CMIP: variants seen among roughly 807,000 people sequenced by gnomAD.
The protein encoded by CMIP is C-Maf-inducing protein.
In CMIP, 13 loss-of-function variants were observed where a neutral mutation model predicts 97.3. That is an observed-to-expected ratio of 0.13 (90% CI 0.09 to 0.21). The LOEUF (loss-of-function observed/expected upper bound fraction) is 0.21. CMIP is among the 10% of genes least tolerant of loss of function. The probability of loss-of-function intolerance (pLI) is 1.00; values close to 1 mark genes in which losing one functional copy is unlikely to be tolerated. For missense variants in CMIP, 847 were observed against 1,024.9 expected, an observed-to-expected ratio of 0.83 and a Z score of 2.37; for synonymous variants, 538 against 436.3, an observed-to-expected ratio of 1.23 and a Z score of -2.91.
At chr16:81,470,439 C>G (rs944136199) in intron 1 of CMIP, among the ~76,000 whole-genome samples, 1 of 152,224 alleles carries the variant, frequency 6.6e-6, no homozygotes, top group Non-Finnish European at 1.5e-5. Flanking sequence ...GTCACAGAGA[C>G]AGATGTTTCA....
At chr16:81,504,055 G>T (rs1193025772) in intron 1 of CMIP, among the ~76,000 whole-genome samples, 1 of 152,220 alleles carries the variant, frequency 6.6e-6, no homozygotes, top group Non-Finnish European at 1.5e-5. Context: ...GTTGGGCGCC[G>T]TGGCTTACAC....
At chr16:81,565,954 C>T (rs1408752541) in intron 1 of CMIP, among the ~76,000 whole-genome samples, 2 of 152,172 alleles carry the variant, frequency 1.3e-5, no homozygotes, top group African/African-American at 4.8e-5. Context: ...AGGACCAGAG[C>T]CAGAGAGTTT....
chr16:81,460,915 C>G (rs868299810), intron 1 of CMIP, among the ~76,000 whole-genome samples: 1 of 152,128 alleles, frequency 6.6e-6, no homozygotes, highest in African/African-American at 2.4e-5. Flanking sequence ...CTTTGATGCC[C>G]TGTTGTATGT....
intron 1 of CMIP, among the ~76,000 whole-genome samples, chr16:81,575,155 C>T (rs1455382485): frequency 6.6e-6 from 1 of 152,214 alleles, no homozygotes; most frequent in Non-Finnish European, 1.5e-5. Context: ...TTATCTCATT[C>T]AACCTTCACA....
chr16:81,547,566 C>T (rs750068252), intron 1 of CMIP, among the ~76,000 whole-genome samples: 22 of 151,976 alleles, frequency 1.4e-4, no homozygotes, highest in Admixed American at 7.2e-4. Flanking sequence ...ACAAACTTAC[C>T]GTTTCAGGCA....
chr16:81,453,175 T>C lies in CMIP; in HGVS notation c.300+7634T>C, dbSNP rs1597443899. On this transcript the variant is annotated intron_variant, in intron 1 of 20. Transcript: ENST00000537098. This position sits in a 1 kb window ranked among gnomAD's most constrained non-coding sequence, Gnocchi z 4.0. ...TGGGATTCAAACCCAGACTCCTGCC[T>C]TCCCATGGCATCCTTTGTTCGTGGC... Among the ~76,000 whole-genome samples, 1 of 152,216 alleles carries C rather than the reference T, an allele frequency of 6.6e-6. No homozygotes were observed. The highest frequency in any genetic ancestry group is 2.4e-5 in the African/African-American group (1 of 41,446).
intron 10 of CMIP, among the ~76,000 whole-genome samples, chr16:81,682,626 AG>A (rs1345482619): frequency 6.6e-6 from 1 of 151,914 alleles, no homozygotes; most frequent in Non-Finnish European, 1.5e-5. Context: ...GGACGTTGCC[AG>A]GCGGGGCTCA....
intron 9 of CMIP, among the ~76,000 whole-genome samples, chr16:81,675,599 A>G (rs967675466): frequency 4.6e-5 from 7 of 152,178 alleles, no homozygotes; most frequent in Admixed American, 1.3e-4. Context: ...CCTGGCTGCA[A>G]CATTTCTGGG....
At chr16:81,699,078 C>G (rs551158123) in intron 14 of CMIP, among the ~76,000 whole-genome samples, 1 of 152,202 alleles carries the variant, frequency 6.6e-6, no homozygotes, top group African/African-American at 2.4e-5. Flanking sequence ...ATGGTGAACC[C>G]CATCTCTACT....
At chr16:81,490,802 C>G (rs1017617822) in intron 1 of CMIP, among the ~76,000 whole-genome samples, 12 of 150,348 alleles carry the variant, frequency 8.0e-5, no homozygotes, top group African/African-American at 3.0e-4. Flanking sequence ...GTAGAACATT[C>G]CAGACAAGGA....
chr16:81,462,389 C>T (rs908163017), intron 1 of CMIP, among the ~76,000 whole-genome samples: 1 of 152,058 alleles, frequency 6.6e-6, no homozygotes, highest in Admixed American at 6.5e-5. Flanking sequence ...ATAATATAGG[C>T]ATTCTTAGGG....
At chr16:81,669,166 A>C (rs910099790) in intron 7 of CMIP, among the ~76,000 whole-genome samples, 6 of 71,016 alleles carry the variant, frequency 8.4e-5, no homozygotes, top group Non-Finnish European at 1.7e-4. Context: ...CACCCCTCTC[A>C]CCTCCTTCCA....
intron 1 of CMIP, among the ~76,000 whole-genome samples, chr16:81,477,155 C>G (rs138449000): frequency 8.8e-4 from 134 of 152,112 alleles, no homozygotes; most frequent in African/African-American, 3.2e-3. Context: ...GAAATGTCGG[C>G]CCTGAACTCT....
intron 16 of CMIP, among the ~76,000 whole-genome samples, chr16:81,702,036 C>T (rs998522613): frequency 6.6e-6 from 1 of 152,262 alleles, no homozygotes; most frequent in Admixed American, 6.5e-5. Context: ...CCCACCCTCC[C>T]TCCTCCATGT....
intron 1 of CMIP, among the ~76,000 whole-genome samples, chr16:81,605,237 T>G (rs1023112646): frequency 6.6e-6 from 1 of 152,200 alleles, no homozygotes. Flanking sequence ...AGTGTGACTT[T>G]GAGGCACGCT....
intron 1 of CMIP, among the ~76,000 whole-genome samples, chr16:81,586,744 A>G (rs1261911812): frequency 6.6e-6 from 1 of 152,200 alleles, no homozygotes; most frequent in Non-Finnish European, 1.5e-5. Context: ...ACACCTGCAC[A>G]CATACACATG....
At chr16:81,520,603 A>AGAGAGAGAGG (rs1555525671) in intron 1 of CMIP, 2 of 143,286 alleles carry the variant, frequency 1.4e-5, no homozygotes, top group African/African-American at 5.2e-5. Flanking sequence ...AGAGAGAGAG[A>AGAGAGAGAGG]AGATAGAAAG....
chr16:81,445,169 C>T lies in CMIP; in HGVS notation c.-73C>T. 2.0e-6 allele frequency: 2 copies of T among 997,726 alleles called. No individual in the cohort carries two copies. Among genetic ancestry groups the T allele is most frequent in the South Asian group, 2.4e-5 (1 of 42,298 alleles). 61.8% of individuals were successfully genotyped at this position (997,726 alleles called of 1,614,324 possible). On this transcript the variant is annotated 5_prime_UTR_variant, in exon 1 of 21. Coordinates refer to ENST00000537098, the MANE Select transcript of CMIP (RefSeq NM_198390.3). ...GTGGGGGGGTGCGGGCCGCCGGATC[C>T]GGGGGCCCCGCCGCCCCAGCAGCCC...
In CMIP at chr16:81,507,505, ATCT is replaced by A. The variant is rs1435180163; in HGVS notation, c.300+61969_300+61971del. 5.9e-5 allele frequency among the ~76,000 whole-genome samples: 9 copies of A among 152,346 alleles called. No individual in the cohort carries two copies. The East Asian group carries it at 9.6e-4, about 16-fold the overall frequency. On this transcript the variant is annotated intron_variant, in intron 1 of 20. Coordinates refer to ENST00000537098, the MANE Select transcript of CMIP (RefSeq NM_198390.3). ...TAATATATAATTTAGAACATGGCTC[ATCT>A]TCTTGGAATGAGCATTTTCCTTGAG... is the stretch of plus-strand genomic sequence containing the variant.
Sources: gnomAD v4.1 joint callset for allele counts (sites outside exome capture counted in the v4.1 genomes callset) on GRCh38, gnomAD v4.1.1 for gene constraint, Gnocchi (gnomAD v3.1) non-coding constraint, MANE v1.5 for transcripts, NCBI Gene and HGNC (gene_info 2026-07-23, HGNC 2026-07-21) for gene names.